ZC3H13: variants seen among roughly 807,000 people sequenced by gnomAD.
ZC3H13 encodes the protein zinc finger CCCH domain-containing protein 13.
In ZC3H13, 64 loss-of-function variants were observed where a neutral mutation model predicts 204.1. The observed-to-expected ratio is 0.31, with a 90% CI of 0.26 to 0.39. ZC3H13 has a LOEUF of 0.39. Among genes scored for constraint, ZC3H13 ranks in the 10% least tolerant of loss-of-function variants. The pLI, the probability that ZC3H13 is intolerant of heterozygous loss-of-function variation, is 1.00. For missense variants in ZC3H13, 1,833 were observed against 2,082.7 expected (o/e 0.88, Z 2.33); for synonymous variants, 667 against 693.7 (o/e 0.96, Z 0.60).
chr13:46,038,281 T>C (rs1201441240), intron 4 of ZC3H13, among the ~76,000 whole-genome samples: 1 of 152,174 alleles, frequency 6.6e-6, no homozygotes, highest in Non-Finnish European at 1.5e-5. Flanking sequence ...TTTTCTCTTC[T>C]TCCCTCCCCT....
At chr13:46,040,294 T>A (rs1162637637) in intron 4 of ZC3H13, among the ~76,000 whole-genome samples, 4 of 152,202 alleles carry the variant, frequency 2.6e-5, no homozygotes, top group South Asian at 2.1e-4. Context: ...AACTTCTACA[T>A]AATTTAAGTG....
At chr13:46,040,995 T>G (rs2043540922) in intron 4 of ZC3H13, among the ~76,000 whole-genome samples, 1 of 152,168 alleles carries the variant, frequency 6.6e-6, no homozygotes, top group African/African-American at 2.4e-5. Flanking sequence ...TGTGAAATGA[T>G]ACAGCCACTT....
At chr13:46,027,157 G>A (rs1483228630) in intron 4 of ZC3H13, among the ~76,000 whole-genome samples, 1 of 152,190 alleles carries the variant, frequency 6.6e-6, no homozygotes, top group South Asian at 2.1e-4. Flanking sequence ...CCAGGCTGCA[G>A]CACAGTGCGC....
chr13:45,992,995 T>A (rs1333565092), intron 8 of ZC3H13, among the ~76,000 whole-genome samples: 1 of 152,100 alleles, frequency 6.6e-6, no homozygotes, highest in Admixed American at 6.6e-5. Flanking sequence ...CATGAGCCAA[T>A]TCCTTAAGTA....
At chr13:46,036,820 G>C (rs768818026) in intron 4 of ZC3H13, among the ~76,000 whole-genome samples, 5 of 152,106 alleles carry the variant, frequency 3.3e-5, no homozygotes, top group South Asian at 2.1e-4. Flanking sequence ...CCAGGCTCAA[G>C]TAATTCTCCT....
chr13:46,032,141 TGA>T (rs1194392849), intron 4 of ZC3H13, among the ~76,000 whole-genome samples: 1 of 152,094 alleles, frequency 6.6e-6, no homozygotes, highest in Admixed American at 6.5e-5. Context: ...ACCACTGGTG[TGA>T]GACACTGATA....
intron 1 of ZC3H13, among the ~76,000 whole-genome samples, chr13:46,047,283 T>C (rs1055919245): frequency 2.0e-5 from 3 of 152,182 alleles, no homozygotes; most frequent in Admixed American, 6.5e-5. Context: ...TATATTTTTA[T>C]CAATATAAAA....
chr13:46,040,748 T>G (rs1396568405), intron 4 of ZC3H13, among the ~76,000 whole-genome samples: 1 of 152,084 alleles, frequency 6.6e-6, no homozygotes, highest in African/African-American at 2.4e-5. Context: ...CACTTGTAAC[T>G]CAATAATAAA....
intron 4 of ZC3H13, among the ~76,000 whole-genome samples, chr13:46,039,510 A>T (rs368812025): frequency 5.3e-5 from 8 of 152,212 alleles, no homozygotes; most frequent in African/African-American, 1.7e-4. Flanking sequence ...TAAGGAGACA[A>T]GAAGAAGAGT....
chr13:46,006,185 A>C (rs924681040), intron 7 of ZC3H13, among the ~76,000 whole-genome samples: 1 of 151,934 alleles, frequency 6.6e-6, no homozygotes, highest in Non-Finnish European at 1.5e-5. Context: ...CAGCACAAGA[A>C]GACAGCTTCG....
chr13:45,991,776 A>G (rs1020829778), intron 8 of ZC3H13, among the ~76,000 whole-genome samples: 2 of 152,216 alleles, frequency 1.3e-5, no homozygotes, highest in Non-Finnish European at 2.9e-5. Context: ...ATCCAGGGAA[A>G]GTTGATCTTT....
At position 46,045,023 on chromosome 13, in the gene ZC3H13, A is replaced by G; in HGVS notation, c.159T>C (p.Tyr53=). 1.9e-6 allele frequency: 3 copies of G among 1,613,752 alleles called. No homozygotes were observed. The highest frequency in any genetic ancestry group is 2.5e-6 in the Non-Finnish European group (3 of 1,179,756). The change falls in exon 3 of 19, where the codon TAT becomes TAC. Residue 53 remains tyrosine, a synonymous_variant. Coordinates refer to ENST00000679008, the MANE Select transcript of ZC3H13 (RefSeq NM_001330564.2). ...CATGTACGAATCTACATGTGTTTCC[A>G]TAGAGGCAGTTGCCAGTCTTCAGCC... ...RNWLKTGNCL[Y]GNTCRFVHGP...
chr13:46,048,112 T>C (rs774625618), intron 1 of ZC3H13, among the ~76,000 whole-genome samples: 4 of 152,198 alleles, frequency 2.6e-5, no homozygotes, highest in South Asian at 2.1e-4. Flanking sequence ...ACTTAAAACA[T>C]TGGTCATCTA....
At chr13:45,986,183 G>A (rs948091145) in intron 9 of ZC3H13, among the ~76,000 whole-genome samples, 1 of 152,134 alleles carries the variant, frequency 6.6e-6, no homozygotes, top group Non-Finnish European at 1.5e-5. Context: ...AGCACTTTAG[G>A]GTAGCCTATG....
chr13:46,034,757 A>T (rs983089730), intron 4 of ZC3H13, among the ~76,000 whole-genome samples: 1 of 152,052 alleles, frequency 6.6e-6, no homozygotes, highest in Non-Finnish European at 1.5e-5. Flanking sequence ...AAGTAAATTT[A>T]AAAAAAAGGC....
rs918950863 is a variant in ZC3H13 at position 45,955,431 on chromosome 13, A to C, written c.*1696T>G. ...ACAAAAAGATTTCAAACTGAAAGAC[A>C]ACAGGTTTAACTGAATGACAGATTT... On this transcript the variant is annotated 3_prime_UTR_variant, in exon 19 of 19. Transcript: ENST00000679008. 3 of 152,212 alleles carry C rather than the reference A, an allele frequency of 2.0e-5. No individual in the cohort carries two copies. Among genetic ancestry groups the C allele is most frequent in the Non-Finnish European group, 2.9e-5 (2 of 68,022 alleles). The allele number at this position is 152,212 out of a possible 1,614,324, so 9.4% of individuals were successfully genotyped here. A position where few individuals can be genotyped will look rare whatever the true frequency, so the allele number is the denominator to read the frequency against.
intron 12 of ZC3H13, among the ~76,000 whole-genome samples, chr13:45,972,334 G>GA (rs1021707943): frequency 1.3e-5 from 2 of 151,982 alleles, no homozygotes. Flanking sequence ...CCATAAAAAG[G>GA]AAAAAAATAA....
chr13:45,981,495 T>C (rs1476766445), intron 10 of ZC3H13, among the ~76,000 whole-genome samples: 1 of 152,130 alleles, frequency 6.6e-6, no homozygotes, highest in Non-Finnish European at 1.5e-5. Flanking sequence ...TTTGGGTATA[T>C]ACCCAGTAAT....
At chr13:45,977,484 T>C (rs116641283) in intron 11 of ZC3H13, among the ~76,000 whole-genome samples, 2,124 of 152,280 alleles carry the variant, frequency 0.014, 47 homozygotes, top group African/African-American at 0.047. Flanking sequence ...CACTTTAAAA[T>C]GTCTAAATTA....
Sources: allele counts gnomAD v4.1 joint callset (sites outside exome capture counted in the v4.1 genomes callset), GRCh38; gene constraint gnomAD v4.1.1; transcripts MANE v1.5; gene names NCBI Gene and HGNC (gene_info 2026-07-23, HGNC 2026-07-21).